Variants in CNTNAP2 observed in about 807,000 individuals in gnomAD.
CNTNAP2 encodes the protein contactin-associated protein-like 2.
Under a neutral mutation model 155.2 loss-of-function variants are expected in CNTNAP2, and 98 were observed. That is an observed-to-expected ratio of 0.63 (90% CI 0.54 to 0.75). The LOEUF (loss-of-function observed/expected upper bound fraction) is 0.75. Among genes scored for constraint, CNTNAP2 ranks in the 30% least tolerant of loss-of-function variants. The pLI, the probability that CNTNAP2 is intolerant of heterozygous loss-of-function variation, is 0.00. For missense variants in CNTNAP2, 1,727 were observed against 1,688.1 expected (o/e 1.02, Z -0.40); for synonymous variants, 651 against 631.2 (o/e 1.03, Z -0.47).
At position 146,598,569 on chromosome 7, in the gene CNTNAP2, T is replaced by G. The variant is rs1798898605; in HGVS notation, c.98-175702T>G. Among the ~76,000 whole-genome samples the G allele has an allele frequency of 1.3e-5, 2 of 152,090 alleles. 1 individual carries two copies. The highest frequency in any genetic ancestry group is 2.9e-5 in the Non-Finnish European group (2 of 67,990). ...CCAACAGTCAATTCACATTCCTCAT[T>G]TATGGACCTATCAGAAACATTTAAC... On this transcript the variant is annotated intron_variant, in intron 1 of 23. Coordinates refer to ENST00000361727, the MANE Select transcript of CNTNAP2 (RefSeq NM_014141.6).
chr7:147,237,353 G>C (rs1174798577), intron 8 of CNTNAP2, among the ~76,000 whole-genome samples: 1 of 152,088 alleles, frequency 6.6e-6, no homozygotes, highest in Non-Finnish European at 1.5e-5. Context: ...GATTACAGGT[G>C]TGAGCCACTG....
At chr7:146,339,222 T>G (rs1266842880) in intron 1 of CNTNAP2, among the ~76,000 whole-genome samples, 1 of 152,136 alleles carries the variant, frequency 6.6e-6, no homozygotes, top group Non-Finnish European at 1.5e-5. Flanking sequence ...TAGAATCTAG[T>G]ATAATGCTAT....
intron 13 of CNTNAP2, chr7:147,897,094 C>G (rs949403303): frequency 6.6e-6 from 1 of 152,224 alleles, no homozygotes; most frequent in Non-Finnish European, 1.5e-5. Flanking sequence ...AACCAGCTGT[C>G]TCTCTTCTTT....
intron 2 of CNTNAP2, among the ~76,000 whole-genome samples, chr7:146,800,859 C>A (rs2129191418): frequency 6.6e-6 from 1 of 151,836 alleles, no homozygotes; most frequent in South Asian, 2.1e-4. Flanking sequence ...TTACAGTGAG[C>A]AAAGAAGGTG....
chr7:148,213,286 A>C (rs1236756712), intron 18 of CNTNAP2, among the ~76,000 whole-genome samples: 2 of 152,208 alleles, frequency 1.3e-5, no homozygotes, highest in Admixed American at 1.3e-4. Flanking sequence ...AAGTGGTCAC[A>C]GAAATGATGT....
chr7:147,458,141 CATA>C (rs35927684), intron 10 of CNTNAP2, among the ~76,000 whole-genome samples: 82,544 of 151,422 alleles, frequency 0.55, 22,652 homozygotes, highest in East Asian at 0.68. Flanking sequence ...AAAAAACAAA[CATA>C]AGCATTTCAG....
At chr7:146,372,730 T>A (rs1795253178) in intron 1 of CNTNAP2, among the ~76,000 whole-genome samples, 1 of 152,266 alleles carries the variant, frequency 6.6e-6, no homozygotes, top group East Asian at 1.9e-4. Flanking sequence ...TTGAGGAACA[T>A]CTACTCTAGG....
intron 1 of CNTNAP2, among the ~76,000 whole-genome samples, chr7:146,179,905 G>A (rs1798525946): frequency 6.6e-6 from 1 of 152,138 alleles, no homozygotes; most frequent in South Asian, 2.1e-4. Context: ...ATACGTTGCC[G>A]AATTTTCTTT....
At chr7:146,269,767 G>A (rs11980812) in intron 1 of CNTNAP2, among the ~76,000 whole-genome samples, 6,190 of 152,144 alleles carry the variant, frequency 0.041, 201 homozygotes, top group African/African-American at 0.089. Context: ...ACTTTCCAGC[G>A]GTTGCACTGC....
At chr7:148,040,177 A>T (rs1256099775) in intron 15 of CNTNAP2, among the ~76,000 whole-genome samples, 1 of 152,248 alleles carries the variant, frequency 6.6e-6, no homozygotes, top group Non-Finnish European at 1.5e-5. Context: ...AAATAAAACC[A>T]TGTGCCCAAA....
At chr7:146,581,915 G>A (rs887068338) in intron 1 of CNTNAP2, among the ~76,000 whole-genome samples, 1 of 152,046 alleles carries the variant, frequency 6.6e-6, no homozygotes, top group African/African-American at 2.4e-5. Flanking sequence ...GAATTGATAA[G>A]ATAAGGATAT....
At chr7:147,593,927 G>T (rs1010014531) in intron 12 of CNTNAP2, among the ~76,000 whole-genome samples, 12 of 152,244 alleles carry the variant, frequency 7.9e-5, no homozygotes, top group Admixed American at 2.6e-4. Flanking sequence ...AGTGAATTTT[G>T]TGTAGTAACC....
At position 147,703,068 on chromosome 7, in the gene CNTNAP2, A is replaced by G. The variant is rs185835083; in HGVS notation, c.2098+63762A>G. ...TGGCTGCCTCCCACACTTGAGGCGC[A>G]TAGCAAGCCTGTCCTCTTCAGTTCT... On this transcript the variant is annotated intron_variant, in intron 13 of 23. Coordinates refer to ENST00000361727, the MANE Select transcript of CNTNAP2 (RefSeq NM_014141.6). Among the ~76,000 whole-genome samples, 17 of 152,296 alleles carry G rather than the reference A, an allele frequency of 1.1e-4. No individual in the cohort carries two copies. The East Asian group carries it at 2.9e-3, about 26-fold the overall frequency.
At chr7:146,126,571 G>A (rs1000289628) in intron 1 of CNTNAP2, among the ~76,000 whole-genome samples, 7 of 152,126 alleles carry the variant, frequency 4.6e-5, no homozygotes, top group African/African-American at 1.7e-4. Flanking sequence ...TTCTTAAAAT[G>A]CTTTGTCAGG....
intron 14 of CNTNAP2, among the ~76,000 whole-genome samples, chr7:147,934,380 A>G (rs1264037308): frequency 6.6e-6 from 1 of 152,186 alleles, no homozygotes; most frequent in Non-Finnish European, 1.5e-5. Flanking sequence ...AGGCAAAGAG[A>G]GAGAACTTGT....
chr7:146,584,377 G>T (rs541463768), intron 1 of CNTNAP2, among the ~76,000 whole-genome samples: 23 of 152,238 alleles, frequency 1.5e-4, no homozygotes, highest in Non-Finnish European at 3.1e-4. Flanking sequence ...CTGTCAGAAG[G>T]GTACCTTTAG....
At chr7:146,451,880 C>CATACGTGTATATATATATACGTATATCT (rs71175650) in intron 1 of CNTNAP2, among the ~76,000 whole-genome samples, 1 of 106,254 alleles carries the variant, frequency 9.4e-6, no homozygotes, top group African/African-American at 9.7e-5. Context: ...CGTATATATA[C>CATACGTGTATATATATATACGTATATCT]ACATATACAT....
At chr7:147,726,300 C>T (rs772296391) in intron 13 of CNTNAP2, among the ~76,000 whole-genome samples, 10 of 151,906 alleles carry the variant, frequency 6.6e-5, no homozygotes, top group Non-Finnish European at 1.5e-4. Context: ...AGACTTTTGG[C>T]GGTGTGGATA....
At chr7:147,575,503 G>T (rs919370931) in intron 12 of CNTNAP2, among the ~76,000 whole-genome samples, 4 of 82,880 alleles carry the variant, frequency 4.8e-5, no homozygotes, top group African/African-American at 8.9e-5. Flanking sequence ...AGCTTTAGGG[G>T]TATACAACTG....
Sources: gnomAD v4.1 joint callset for allele counts (sites outside exome capture counted in the v4.1 genomes callset) on GRCh38, gnomAD v4.1.1 for gene constraint, MANE v1.5 for transcripts, NCBI Gene and HGNC (gene_info 2026-07-23, HGNC 2026-07-21) for gene names.